Variants in CNGB1 observed in about 807,000 individuals in gnomAD.
The protein encoded by CNGB1 is cyclic nucleotide-gated channel beta-1.
Under a neutral mutation model 151.7 loss-of-function variants are expected in CNGB1, and 126 were observed. That is an observed-to-expected ratio of 0.83 (90% confidence interval 0.72 to 0.96). The LOEUF (loss-of-function observed/expected upper bound fraction) is 0.96. CNGB1 is among the 40% of genes least tolerant of loss of function. The probability of loss-of-function intolerance (pLI) is 0.00; values close to 1 mark genes in which losing one functional copy is unlikely to be tolerated. For synonymous variants in CNGB1, 623 were observed against 635.1 expected (o/e 0.98, Z 0.29); for missense variants, 1,698 against 1,627.0 (o/e 1.04, Z -0.75).
intron 12 of CNGB1, among the ~76,000 whole-genome samples, chr16:57,952,797 G>A (rs578165425): frequency 2.6e-5 from 4 of 152,124 alleles, no homozygotes; most frequent in East Asian, 3.9e-4. Context: ...CACCATGCCC[G>A]GCCTCATTTC....
At chr16:57,921,184 A>G (rs1391136739) in intron 18 of CNGB1, among the ~76,000 whole-genome samples, 1 of 149,628 alleles carries the variant, frequency 6.7e-6, no homozygotes, top group East Asian at 1.9e-4. Flanking sequence ...TTTTGAGCTC[A>G]ACTGAGGAAG....
At chr16:57,922,947 T>G (rs772728783) in intron 18 of CNGB1, among the ~76,000 whole-genome samples, 1 of 151,936 alleles carries the variant, frequency 6.6e-6, no homozygotes, top group African/African-American at 2.4e-5. Flanking sequence ...CACTGACCTT[T>G]CAGAAGTTCA....
At chr16:57,886,002 A>G (rs16959464) in intron 32 of CNGB1, among the ~76,000 whole-genome samples, 5,298 of 152,278 alleles carry the variant, frequency 0.035, 315 homozygotes, top group African/African-American at 0.12. Context: ...GCTCATGGGA[A>G]GTTAGAAAAG....
At chr16:57,939,961 C>T (rs1308493577) in intron 15 of CNGB1, among the ~76,000 whole-genome samples, 1 of 152,220 alleles carries the variant, frequency 6.6e-6, no homozygotes, top group Non-Finnish European at 1.5e-5. Flanking sequence ...GCACAGGTGG[C>T]CACTGGGACC....
chr16:57,967,009 C>A (rs1962415310), intron 2 of CNGB1, 119 bp downstream of exon 2: 2 of 1,467,774 alleles, frequency 1.4e-6, no homozygotes, highest in Non-Finnish European at 1.9e-6. Context: ...GTGACCCCCA[C>A]TTTTCCTTCT....
In CNGB1 at chr16:57,941,009, G is replaced by A. The variant is rs561409043; in HGVS notation, c.1122-688C>T. On this transcript the variant is annotated intron_variant, in intron 14 of 32. Coordinates refer to ENST00000251102, the MANE Select transcript of CNGB1 (RefSeq NM_001297.5). Reference sequence around the variant, plus strand: ...CATTTGAAGGCAGCAACCCCACTCCGCTGGAAAAGGGGGCCCAGGTGGCCA... The same window carrying A: ...CATTTGAAGGCAGCAACCCCACTCCACTGGAAAAGGGGGCCCAGGTGGCCA... 9.2e-5 allele frequency among the ~76,000 whole-genome samples: 14 copies of A among 152,238 alleles called. No homozygotes were observed. In the East Asian group the frequency reaches 1.5e-3, roughly 17 times the overall value.
Position 57,908,802 on chromosome 16 carries a change from C to T in CNGB1, c.2492+2951G>A, listed in dbSNP as rs551052429. 1.1e-3 allele frequency among the ~76,000 whole-genome samples: 160 copies of T among 152,278 alleles called. 1 individual carries two copies. The highest frequency in any genetic ancestry group is 3.8e-3 in the African/African-American group (156 of 41,560). On this transcript the variant is annotated intron_variant, in intron 25 of 32. Coordinates refer to ENST00000251102, the MANE Select transcript of CNGB1 (RefSeq NM_001297.5). ...CCCTCCCTCCCCTAGGTCAAGCCAC[C>T]GGTTGGCCTGGAGGGTTTGCTGCTC...
chr16:57,899,884 G>A (rs1051447934), intron 29 of CNGB1, among the ~76,000 whole-genome samples: 14 of 152,182 alleles, frequency 9.2e-5, no homozygotes, highest in African/African-American at 3.1e-4. Context: ...GATCGCTGCC[G>A]AGCAAAACCA....
chr16:57,970,807 T>C (rs1356786398), intron 1 of CNGB1, among the ~76,000 whole-genome samples: 1 of 152,042 alleles, frequency 6.6e-6, no homozygotes, highest in Non-Finnish European at 1.5e-5. Flanking sequence ...CACCAGCATT[T>C]CCAGAGTCTT....
In CNGB1 at chr16:57,950,439, C is replaced by G. The variant is rs763165985; in HGVS notation, c.976G>C (p.Gly326Arg). ...TCATAAGCTGGAACCACCTCTGTAC[C>G]CTGTGGGCTGGTACTGACATCCTGG... ...AHQDVSTSPQGTEVVPAYEEE... is the reference protein window; with the variant it reads ...AHQDVSTSPQRTEVVPAYEEE... The change falls in exon 13 of 33, where the codon GGT becomes CGT. Residue 326 changes from glycine to arginine, a missense_variant. By Grantham distance (125) the Gly-to-Arg change is moderately radical (BLOSUM62 -2). Coordinates refer to ENST00000251102, the MANE Select transcript of CNGB1 (RefSeq NM_001297.5). 5.4e-5 allele frequency: 87 copies of G among 1,614,142 alleles called. No individual in the cohort carries two copies. Among genetic ancestry groups the G allele is most frequent in the Non-Finnish European group, 7.2e-5 (85 of 1,180,062 alleles).
chr16:57,955,110 T>G (rs1962052070), intron 12 of CNGB1: 1 of 1,413,876 alleles, frequency 7.1e-7, no homozygotes, highest in African/African-American at 1.4e-5. Context: ...TCTTGCAGGC[T>G]GCCCATGGCT....
chr16:57,901,519 A>T lies in CNGB1; in HGVS notation c.2892+9T>A, dbSNP rs754913975. ...ACAGCCCTGAGCGTGAGGGCACCAA[A>T]AGGTGTACCTGAAAGAGTGCGACTT... On this transcript the variant is annotated intron_variant, in intron 28 of 32. Coordinates refer to ENST00000251102, the MANE Select transcript of CNGB1 (RefSeq NM_001297.5). The T allele has an allele frequency of 1.2e-5, 19 of 1,613,958 alleles. No homozygotes were observed. Among genetic ancestry groups the T allele is most frequent in the Non-Finnish European group, 1.5e-5 (18 of 1,179,900 alleles).
intron 12 of CNGB1, among the ~76,000 whole-genome samples, chr16:57,952,422 C>T (rs1258210057): frequency 2.0e-5 from 3 of 150,532 alleles, no homozygotes; most frequent in Non-Finnish European, 4.4e-5. Flanking sequence ...TCCACACTTC[C>T]TTTCCTTTCC....
chr16:57,964,403 G>A lies in CNGB1; in HGVS notation c.217+84C>T, dbSNP rs186342292. On this transcript the variant is annotated intron_variant, in intron 3 of 32. Transcript: ENST00000251102. Reference sequence around the variant, plus strand: ...GTTTCCTCATCTGTGAAATGGGTCCGCCAGCCTCGTGGGCTCTGCGGCTCC... The same window carrying A: ...GTTTCCTCATCTGTGAAATGGGTCCACCAGCCTCGTGGGCTCTGCGGCTCC... 194 of 1,552,364 alleles carry A rather than the reference G, an allele frequency of 1.2e-4. No individual in the cohort carries two copies. The African/African-American group carries it at 1.7e-3, about 14-fold the overall frequency.
At chr16:57,919,845 G>A (rs1960978651) in intron 19 of CNGB1, among the ~76,000 whole-genome samples, 1 of 152,114 alleles carries the variant, frequency 6.6e-6, no homozygotes, top group African/African-American at 2.4e-5. Context: ...TGGGACATCA[G>A]GCTCTGCATG....
Position 57,884,016 on chromosome 16 carries a change from G to T in CNGB1, c.*148C>A. On this transcript the variant is annotated 3_prime_UTR_variant, in exon 33 of 33. Coordinates refer to ENST00000251102, the MANE Select transcript of CNGB1 (RefSeq NM_001297.5). ...GTCGGGGCTGGCGTGCTGGCGGGACGGTCAGAGCTGCAGCCACTGAGGTCA... is the reference window on the plus strand; with the variant it reads ...GTCGGGGCTGGCGTGCTGGCGGGACTGTCAGAGCTGCAGCCACTGAGGTCA... The T allele has an allele frequency of 8.8e-7, 1 of 1,136,310 alleles. No individual in the cohort carries two copies. Among genetic ancestry groups the T allele is most frequent in the Non-Finnish European group, 1.3e-6 (1 of 774,626 alleles). 70.4% of individuals were successfully genotyped at this position (1,136,310 alleles called of 1,614,324 possible).
At chr16:57,953,032 A>C (rs1961995649) in intron 12 of CNGB1, among the ~76,000 whole-genome samples, 1 of 152,148 alleles carries the variant, frequency 6.6e-6, no homozygotes, top group African/African-American at 2.4e-5. Flanking sequence ...CTCTACAGGC[A>C]GCTGATTCAT....
chr16:57,961,390 G>A (rs1183852656), intron 7 of CNGB1, among the ~76,000 whole-genome samples: 1 of 152,226 alleles, frequency 6.6e-6, no homozygotes, highest in Non-Finnish European at 1.5e-5. Flanking sequence ...CACAAATTAT[G>A]TGGCTGGTCC....
At chr16:57,955,897 C>T (rs574931262) in intron 12 of CNGB1, among the ~76,000 whole-genome samples, 1 of 152,310 alleles carries the variant, frequency 6.6e-6, no homozygotes, top group East Asian at 1.9e-4. Context: ...ACTTCTGGCT[C>T]CTGAACTGTG....
Sources: allele counts gnomAD v4.1 joint callset (sites outside exome capture counted in the v4.1 genomes callset), GRCh38; gene constraint gnomAD v4.1.1; transcripts MANE v1.5; gene names NCBI Gene and HGNC (gene_info 2026-07-23, HGNC 2026-07-21).